CLPX: variants seen among roughly 807,000 people sequenced by gnomAD.
The protein encoded by CLPX is caseinolytic mitochondrial matrix peptidase chaperone subunit X.
A neutral mutation model predicts 76.4 loss-of-function variants in CLPX; 34 were observed. That is an observed-to-expected ratio of 0.45 (90% CI 0.34 to 0.59). CLPX has a LOEUF of 0.59. Among genes scored for constraint, CLPX ranks in the 20% least tolerant of loss-of-function variants. CLPX has a pLI of 0.01. For synonymous variants in CLPX, 248 were observed against 270.9 expected, an observed-to-expected ratio of 0.92 and a Z score of 0.83; for missense variants, 613 against 757.0, an observed-to-expected ratio of 0.81 and a Z score of 2.23.
chr15:65,152,958 G>T (rs2087742886), intron 12 of CLPX, among the ~76,000 whole-genome samples: 2 of 151,544 alleles, frequency 1.3e-5, no homozygotes, highest in South Asian at 4.2e-4. Flanking sequence ...ATGTTGCCCA[G>T]GCTGGTCTCA....
intron 1 of CLPX, chr15:65,184,402 T>G (rs562087250): frequency 3.3e-5 from 5 of 152,312 alleles, no homozygotes; most frequent in African/African-American, 1.2e-4. Flanking sequence ...AAAGGACTGC[T>G]GAAACACCCA....
intron 3 of CLPX, among the ~76,000 whole-genome samples, chr15:65,173,676 A>G (rs1000781636): frequency 2.7e-4 from 41 of 152,244 alleles, no homozygotes; most frequent in African/African-American, 9.6e-4. Flanking sequence ...ATGTCTAAAC[A>G]ATGAAATATT....
At chr15:65,157,562 T>A (rs1289893192) in intron 8 of CLPX, among the ~76,000 whole-genome samples, 184 bp downstream of exon 8, 1 of 152,192 alleles carries the variant, frequency 6.6e-6, no homozygotes, top group East Asian at 1.9e-4. Context: ...GCCAGCTTAG[T>A]GACAATAAGG....
intron 13 of CLPX, among the ~76,000 whole-genome samples, chr15:65,152,024 G>A (rs939026768): frequency 6.6e-6 from 1 of 152,174 alleles, no homozygotes; most frequent in Admixed American, 6.5e-5. Flanking sequence ...CCGCCTCCTA[G>A]GTTCAAGTGA....
rs1006168113 is a variant in CLPX at position 65,152,694 on chromosome 15, T to G, written c.1705-158A>C. Among the ~76,000 whole-genome samples, 16 of 147,754 alleles carry G rather than the reference T, an allele frequency of 1.1e-4. No homozygotes were observed. In the Admixed American group the frequency reaches 1.1e-3, roughly 10 times the overall value. On this transcript the variant is annotated intron_variant, in intron 12 of 13. Coordinates refer to ENST00000300107, the MANE Select transcript of CLPX (RefSeq NM_006660.5). ...AAACATATATATGGGATTATATATATAAACATATATATATATATATTTGGG... is the reference window on the plus strand; with the variant it reads ...AAACATATATATGGGATTATATATAGAAACATATATATATATATATTTGGG...
intron 3 of CLPX, among the ~76,000 whole-genome samples, chr15:65,176,090 C>T (rs1595946152): frequency 6.6e-6 from 1 of 152,186 alleles, no homozygotes; most frequent in South Asian, 2.1e-4. Context: ...TTAGAATTCT[C>T]AAAGCAAACA....
chr15:65,174,852 T>C (rs1467266899), intron 3 of CLPX, among the ~76,000 whole-genome samples: 1 of 152,120 alleles, frequency 6.6e-6, no homozygotes, highest in Admixed American at 6.6e-5. Context: ...CCTGAGCAAT[T>C]CAAACCCACT....
intron 10 of CLPX, among the ~76,000 whole-genome samples, chr15:65,155,416 AT>A (rs1283791657): frequency 6.6e-6 from 1 of 152,002 alleles, no homozygotes; most frequent in Admixed American, 6.6e-5. Context: ...CTCCTGGCTA[AT>A]TTTTTGTATT....
chr15:65,152,511 A>G lies in CLPX; in HGVS notation c.1730T>C (p.Phe577Ser). 6.5e-7 allele frequency: 1 copy of G among 1,538,064 alleles called. No individual in the cohort carries two copies. The highest frequency in any genetic ancestry group is 8.7e-7 in the Non-Finnish European group (1 of 1,143,012). The change falls in exon 13 of 14, where the codon TTT becomes TCT. Residue 577 changes from phenylalanine to serine, a missense_variant. This residue lies in a region of CLPX where 450 missense variants were observed against 638.6 expected (regional missense o/e 0.70). Transcript: ENST00000300107. ...IMEKLLLEPM[F>S]EVPNSDIVCV... The stretch of plus-strand genomic sequence containing the variant: ...TACGATATCAGAATTAGGGACTTCA[A>G]ACATTGGTTCTAGTAACAGCTTTTC...
chr15:65,174,199 T>G (rs1276237437), intron 3 of CLPX, among the ~76,000 whole-genome samples: 1 of 152,086 alleles, frequency 6.6e-6, no homozygotes, highest in African/African-American at 2.4e-5. Flanking sequence ...GGTCTCGATC[T>G]CCTGACCTCG....
chr15:65,177,794 G>A (rs1057224340), intron 3 of CLPX, among the ~76,000 whole-genome samples: 4 of 152,058 alleles, frequency 2.6e-5, no homozygotes, highest in African/African-American at 9.7e-5. Flanking sequence ...TAGGATACAT[G>A]ATTTTTTTCC....
intron 3 of CLPX, among the ~76,000 whole-genome samples, chr15:65,169,807 G>A (rs540376080): frequency 1.3e-5 from 2 of 150,426 alleles, no homozygotes; most frequent in Non-Finnish European, 3.0e-5. Flanking sequence ...CCAGACTAGT[G>A]TGCAATGGTG....
chr15:65,179,131 T>C (rs907766586), intron 2 of CLPX, 80 bp from the exon 3 acceptor site: 5 of 695,866 alleles, frequency 7.2e-6, no homozygotes, highest in African/African-American at 5.4e-5. Context: ...ACAATACTGT[T>C]TGTAATTAAT....
intron 9 of CLPX, among the ~76,000 whole-genome samples, chr15:65,156,072 A>C (rs1039690337): frequency 6.6e-6 from 1 of 152,232 alleles, no homozygotes; most frequent in Non-Finnish European, 1.5e-5. Context: ...AACTTGATGC[A>C]TTGTAATTCA....
At position 65,153,558 on chromosome 15, in the gene CLPX, G is replaced by A. The variant is rs200158367; in HGVS notation, c.1693C>T (p.Arg565Trp). The stretch of plus-strand genomic sequence containing the variant: ...TAATGCCAACTCACCATTATGGACC[G>A]AAGGCCTCGTGCACCTGTTTTTCGT... ...LERKTGARGL[R>W]SIMEKLLLEP... Residue 565 changes from arginine to tryptophan, a missense_variant, in exon 12 of 14, where the codon CGG (arginine) becomes TGG (tryptophan). By Grantham distance (101) the Arg-to-Trp change is moderately radical. Transcript: ENST00000300107. 39 of 1,589,988 alleles carry A rather than the reference G, an allele frequency of 2.5e-5. No individual in the cohort carries two copies. Among genetic ancestry groups the A allele is most frequent in the Non-Finnish European group, 2.9e-5 (34 of 1,166,146 alleles).
At chr15:65,162,167 A>G (rs755306539) in intron 6 of CLPX, among the ~76,000 whole-genome samples, 5 of 152,094 alleles carry the variant, frequency 3.3e-5, no homozygotes, top group South Asian at 2.1e-4. Flanking sequence ...CACACCCTCC[A>G]TCGGACCATC....
intron 1 of CLPX, among the ~76,000 whole-genome samples, chr15:65,184,795 C>A (rs2088232222): frequency 6.6e-6 from 1 of 152,274 alleles, no homozygotes; most frequent in African/African-American, 2.4e-5. Flanking sequence ...TTCAGGGTTT[C>A]TACAAAGTGG....
intron 3 of CLPX, among the ~76,000 whole-genome samples, chr15:65,167,358 C>G (rs1379630413): frequency 1.3e-5 from 2 of 152,078 alleles, no homozygotes; most frequent in Non-Finnish European, 2.9e-5. Flanking sequence ...GCGTGAGCCA[C>G]CGCACCCGGC....
At chr15:65,169,238 G>C (rs2140635260) in intron 3 of CLPX, among the ~76,000 whole-genome samples, 1 of 152,024 alleles carries the variant, frequency 6.6e-6, no homozygotes, top group Middle Eastern at 3.4e-3. Flanking sequence ...ACAGGCATGA[G>C]CCACTGCGCC....
Sources: gnomAD v4.1 joint callset for allele counts (sites outside exome capture counted in the v4.1 genomes callset) on GRCh38, gnomAD v4.1.1 for gene constraint, gnomAD v4.1.1 regional missense constraint, MANE v1.5 for transcripts, NCBI Gene and HGNC (gene_info 2026-07-23, HGNC 2026-07-21) for gene names.